Variants in GRAP2 observed in about 807,000 individuals in gnomAD.
GRAP2 encodes the protein GRB2-related adapter protein 2.
A neutral mutation model predicts 43.5 loss-of-function variants in GRAP2; 31 were observed. The ratio of observed to expected loss-of-function variants is 0.71; its 90% CI spans 0.54 to 0.96. GRAP2 has a LOEUF of 0.96. Among genes scored for constraint, GRAP2 ranks in the 40% least tolerant of loss-of-function variants. The pLI, the probability that GRAP2 is intolerant of heterozygous loss-of-function variation, is 0.00. For synonymous variants in GRAP2, 156 were observed against 164.8 expected (o/e 0.95, Z 0.41); for missense variants, 371 against 424.4 (o/e 0.87, Z 1.11).
chr22:39,966,243 A>G, intron 5 of GRAP2, 85 bp downstream of exon 5: 3 of 1,027,982 alleles, frequency 2.9e-6, no homozygotes, highest in South Asian at 2.7e-5. Flanking sequence ...AATGCATAGG[A>G]TGGGTAGATC....
rs752029569 is a variant in GRAP2 at position 39,969,520 on chromosome 22, T to G, written c.800T>G (p.Leu267Arg). The stretch of plus-strand genomic sequence containing the variant: ...CGGAGACACACAGACCCAGTGCAGC[T>G]CCAGGCGGCAGGGGTATGGGAACTG... ...MHRRHTDPVQ[L>R]QAAGRVRWAR... The change falls in exon 7 of 8, where the codon CTC (leucine) becomes CGC (arginine). Residue 267 changes from leucine (L) to arginine (R), a missense_variant. By Grantham distance (102) the Leu-to-Arg change is moderately radical (BLOSUM62 -2). Transcript: ENST00000344138. The G allele has an allele frequency of 6.2e-7, 1 of 1,613,876 alleles. No individual in the cohort carries two copies. The highest frequency in any genetic ancestry group is 8.5e-7 in the Non-Finnish European group (1 of 1,179,872).
At chr22:39,933,893 C>A (rs897029572) in intron 1 of GRAP2, among the ~76,000 whole-genome samples, 1 of 151,202 alleles carries the variant, frequency 6.6e-6, no homozygotes, top group Non-Finnish European at 1.5e-5. Context: ...CTTCAACACA[C>A]AGGGGCCTTT....
rs528072213 is a variant in GRAP2, at chr22:39,959,341, C to CCACAG, written c.171-713_171-709dup. Reference sequence around the variant, plus strand: ...AGTAATTTCTCCTGTTTCTTCTTTTCCACAGTAAAGATTATTTCCCAGCCT... The same window carrying CCACAG: ...AGTAATTTCTCCTGTTTCTTCTTTTCCACAGCACAGTAAAGATTATTTCCCAGCCT... On this transcript the variant is annotated intron_variant, in intron 3 of 7. Coordinates refer to ENST00000344138, the MANE Select transcript of GRAP2 (RefSeq NM_004810.4). 1.2e-4 allele frequency among the ~76,000 whole-genome samples: 19 copies of CCACAG among 152,338 alleles called. No individual in the cohort carries two copies. In the East Asian group the frequency reaches 3.5e-3, roughly 28 times the overall value.
At chr22:39,929,497 C>T (rs183866043) in intron 1 of GRAP2, among the ~76,000 whole-genome samples, 4 of 152,272 alleles carry the variant, frequency 2.6e-5, no homozygotes. Flanking sequence ...AGAAAGCCAC[C>T]TACTTCCTGC....
At chr22:39,965,894 G>A (rs1400398289) in intron 4 of GRAP2, 96 bp from the exon 5 acceptor site, 2 of 1,031,622 alleles carry the variant, frequency 1.9e-6, no homozygotes, top group Non-Finnish European at 3.1e-6. Flanking sequence ...TACATCTCCT[G>A]CTCAAAGAGA....
At chr22:39,903,286 A>G (rs771308277) in intron 1 of GRAP2, among the ~76,000 whole-genome samples, 7 of 152,192 alleles carry the variant, frequency 4.6e-5, no homozygotes, top group Non-Finnish European at 1.0e-4. Context: ...TGAATCAAAC[A>G]ATAGGGTCGC....
At chr22:39,949,034 T>C (rs929933612) in intron 2 of GRAP2, among the ~76,000 whole-genome samples, 5 of 152,204 alleles carry the variant, frequency 3.3e-5, no homozygotes, top group Non-Finnish European at 7.3e-5. Context: ...CTGTGGCTCG[T>C]GTTCTAGCTC....
chr22:39,958,260 A>G (rs955729754), intron 3 of GRAP2, among the ~76,000 whole-genome samples: 6 of 152,050 alleles, frequency 3.9e-5, no homozygotes, highest in Non-Finnish European at 4.4e-5. Flanking sequence ...CCAGTCCCCT[A>G]TAGGTTTAGA....
chr22:39,896,368 A>C (rs1030440618), upstream of GRAP2, among the ~76,000 whole-genome samples: 1 of 152,238 alleles, frequency 6.6e-6, no homozygotes, highest in African/African-American at 2.4e-5. Context: ...ATGAGAGAGA[A>C]GGAGGAGTCT....
chr22:39,933,852 A>C (rs1201041785), intron 1 of GRAP2, among the ~76,000 whole-genome samples: 3 of 151,714 alleles, frequency 2.0e-5, no homozygotes, highest in African/African-American at 7.3e-5. Context: ...AAAAAAAAAA[A>C]AAGAAAAGAA....
rs144851199 is a variant in GRAP2 at position 39,954,832 on chromosome 22, T to A, written c.79-987T>A. ...GAGTAACTGAGGTAGACAATAACAT[T>A]TGGGGTCACAGTCAAAGTCAGGCCA... On this transcript the variant is annotated intron_variant, in intron 2 of 7. Coordinates refer to ENST00000344138, the MANE Select transcript of GRAP2 (RefSeq NM_004810.4). Among the ~76,000 whole-genome samples the A allele has an allele frequency of 3.3e-5, 5 of 152,270 alleles. No individual in the cohort carries two copies. The East Asian group carries it at 9.6e-4, about 29-fold the overall frequency.
At chr22:39,929,963 T>A (rs1211274395) in intron 1 of GRAP2, among the ~76,000 whole-genome samples, 1 of 152,208 alleles carries the variant, frequency 6.6e-6, no homozygotes, top group Non-Finnish European at 1.5e-5. Flanking sequence ...AGTACTTCAA[T>A]GTGGCTTGTC....
At chr22:39,898,417 T>G (rs2066473833), upstream of GRAP2, among the ~76,000 whole-genome samples, 1 of 152,234 alleles carries the variant, frequency 6.6e-6, no homozygotes, top group Non-Finnish European at 1.5e-5. Flanking sequence ...GTGTTCAAAC[T>G]TTATTTATTG....
chr22:39,937,249 T>A (rs2066815766), intron 1 of GRAP2, among the ~76,000 whole-genome samples: 2 of 152,184 alleles, frequency 1.3e-5, no homozygotes, highest in Non-Finnish European at 2.9e-5. Context: ...ACAGTCTGGG[T>A]GGTGTGTGTC....
At chr22:39,965,100 T>G (rs1033149937) in intron 4 of GRAP2, among the ~76,000 whole-genome samples, 3 of 152,184 alleles carry the variant, frequency 2.0e-5, no homozygotes, top group Non-Finnish European at 4.4e-5. Flanking sequence ...ATTAAAACTC[T>G]ATCATTTCAC....
At chr22:39,970,528 A>G (rs2145686622) in intron 7 of GRAP2, among the ~76,000 whole-genome samples, 2 of 152,274 alleles carry the variant, frequency 1.3e-5, no homozygotes, top group Admixed American at 1.3e-4. Context: ...GGGGCTTTGG[A>G]CAATAACATC....
chr22:39,926,945 C>T (rs2066708220), intron 1 of GRAP2: 1 of 667,210 alleles, frequency 1.5e-6, no homozygotes, highest in Non-Finnish European at 1.9e-6. Flanking sequence ...CTGGCTCCAG[C>T]CTGGATCCAG....
intron 1 of GRAP2, among the ~76,000 whole-genome samples, chr22:39,944,370 T>A (rs2066899922): frequency 6.6e-6 from 1 of 152,178 alleles, no homozygotes; most frequent in Admixed American, 6.6e-5. Flanking sequence ...TCTCTACTAC[T>A]AGGGGTGCTT....
intron 1 of GRAP2, among the ~76,000 whole-genome samples, chr22:39,908,939 C>T (rs573238177): frequency 1.1e-4 from 16 of 152,232 alleles, no homozygotes; most frequent in African/African-American, 3.9e-4. Context: ...GCTTGGCTCC[C>T]GTATCCTGTG....
Sources: allele counts gnomAD v4.1 joint callset (sites outside exome capture counted in the v4.1 genomes callset), GRCh38; gene constraint gnomAD v4.1.1; transcripts MANE v1.5; gene names NCBI Gene and HGNC (gene_info 2026-07-23, HGNC 2026-07-21).